Variants in LRP1B observed in about 807,000 individuals in gnomAD.
LRP1B encodes LDL receptor related protein 1B, also known as low-density lipoprotein receptor-related protein 1B.
Under a neutral mutation model 556.6 loss-of-function variants are expected in LRP1B, and 217 were observed. The observed-to-expected ratio is 0.39, with a 90% CI of 0.35 to 0.44. The LOEUF is 0.44. LRP1B is among the 20% of genes least tolerant of loss of function. The pLI is 1.00. For synonymous variants in LRP1B, 2,047 were observed against 1,865.8 expected, an observed-to-expected ratio of 1.10 and a Z score of -2.50; for missense variants, 5,053 against 5,620.8, an observed-to-expected ratio of 0.90 and a Z score of 3.23.
chr2:141,071,687 A>T (rs1430721933), intron 7 of LRP1B, among the ~76,000 whole-genome samples: 1 of 152,174 alleles, frequency 6.6e-6, no homozygotes, highest in Non-Finnish European at 1.5e-5. Flanking sequence ...TACAAAAAGC[A>T]CAAGCATTCT....
chr2:141,591,892 T>A (rs545866848), intron 2 of LRP1B, among the ~76,000 whole-genome samples: 3 of 152,270 alleles, frequency 2.0e-5, no homozygotes, highest in African/African-American at 7.2e-5. Context: ...GGAAAAAAGA[T>A]GTTTGAAAAT....
chr2:141,736,477 C>A (rs908767331), intron 2 of LRP1B, among the ~76,000 whole-genome samples: 12 of 152,066 alleles, frequency 7.9e-5, no homozygotes, highest in African/African-American at 2.9e-4. Flanking sequence ...ATGAGAACAT[C>A]ATGTGAAGAC....
At chr2:141,485,030 C>T (rs1683072114) in intron 2 of LRP1B, among the ~76,000 whole-genome samples, 1 of 152,012 alleles carries the variant, frequency 6.6e-6, no homozygotes, top group African/African-American at 2.4e-5. Flanking sequence ...AAGAGAGGCT[C>T]AGCTACTTAT....
At chr2:141,863,744 G>A (rs940060799) in intron 1 of LRP1B, among the ~76,000 whole-genome samples, 1 of 152,034 alleles carries the variant, frequency 6.6e-6, no homozygotes, top group Non-Finnish European at 1.5e-5. Flanking sequence ...TGAAGTAATT[G>A]CTACTTGTTG....
At chr2:141,776,239 T>C (rs923427372) in intron 2 of LRP1B, among the ~76,000 whole-genome samples, 13 of 151,282 alleles carry the variant, frequency 8.6e-5, no homozygotes, top group African/African-American at 2.9e-4. Context: ...GTTAATGTTA[T>C]ATGTCAGTGT....
At chr2:141,388,161 C>T (rs540864320) in intron 3 of LRP1B, among the ~76,000 whole-genome samples, 13 of 152,238 alleles carry the variant, frequency 8.5e-5, no homozygotes, top group East Asian at 3.9e-4. Flanking sequence ...AATGGCCGGG[C>T]GCAGTGGCTC....
intron 32 of LRP1B, among the ~76,000 whole-genome samples, chr2:140,807,349 A>G (rs1027915140): frequency 6.6e-6 from 1 of 151,786 alleles, no homozygotes; most frequent in Non-Finnish European, 1.5e-5. Context: ...TTATTTATTT[A>G]CTTTTTTTTT....
chr2:140,755,373 A>G (rs1273719472), intron 35 of LRP1B, among the ~76,000 whole-genome samples: 1 of 152,050 alleles, frequency 6.6e-6, no homozygotes, highest in East Asian at 1.9e-4. Flanking sequence ...AAAGAAAAAT[A>G]CTGACCAACA....
intron 85 of LRP1B, among the ~76,000 whole-genome samples, chr2:140,272,258 AACACACACACACACACAC>A (rs10654741): frequency 1.3e-5 from 2 of 149,320 alleles, no homozygotes; most frequent in African/African-American, 4.9e-5. Context: ...TGCACACACA[AACACACACACACACACAC>A]ACACACACAC....
At chr2:141,297,582 T>C (rs1163895689) in intron 3 of LRP1B, among the ~76,000 whole-genome samples, 1 of 152,220 alleles carries the variant, frequency 6.6e-6, no homozygotes, top group Non-Finnish European at 1.5e-5. Flanking sequence ...AGACACTAGT[T>C]CACATGTTTC....
intron 1 of LRP1B, among the ~76,000 whole-genome samples, chr2:141,880,629 G>A (rs1039519036): frequency 6.6e-6 from 1 of 151,844 alleles, no homozygotes; most frequent in Non-Finnish European, 1.5e-5. Flanking sequence ...GTCAATATTG[G>A]TGCTTTTAAA....
intron 2 of LRP1B, among the ~76,000 whole-genome samples, chr2:141,550,771 A>T (rs1574070978): frequency 6.6e-6 from 1 of 152,152 alleles, no homozygotes; most frequent in African/African-American, 2.4e-5. Flanking sequence ...ATAAGAATGT[A>T]CAATCTACCT....
At chr2:141,500,693 T>C (rs1203309095) in intron 2 of LRP1B, among the ~76,000 whole-genome samples, 1 of 152,166 alleles carries the variant, frequency 6.6e-6, no homozygotes, top group Non-Finnish European at 1.5e-5. Flanking sequence ...TGGTTCCTCT[T>C]GGATTTCAAA....
chr2:141,593,465 TCCC>T lies in LRP1B; in HGVS notation c.206-112935_206-112933del, dbSNP rs1461272824. On this transcript the variant is annotated intron_variant, in intron 2 of 90. Transcript: ENST00000389484. ...CGGGCGCGGTGGCTCACGCCTGTAA[TCCC>T]AGCACTTTGGGAGGCCGAGGCGGGT... Among the ~76,000 whole-genome samples, 34 of 1,396 alleles carry T rather than the reference TCCC, an allele frequency of 0.024. 17 individuals are homozygous for T. In the Non-Finnish European group the frequency reaches 1, roughly 41 times the overall value. 0.9% of individuals were successfully genotyped at this position (1,396 alleles called of 152,430 possible). A position where few individuals can be genotyped will look rare whatever the true frequency, so the allele number is the denominator to read the frequency against.
At chr2:141,667,685 A>C (rs1441467630) in intron 2 of LRP1B, among the ~76,000 whole-genome samples, 1 of 152,182 alleles carries the variant, frequency 6.6e-6, no homozygotes, top group Admixed American at 6.5e-5. Flanking sequence ...CTTTCTATGC[A>C]CAGAAAACTC....
chr2:141,001,771 T>C (rs1697432406), intron 15 of LRP1B, among the ~76,000 whole-genome samples: 1 of 152,180 alleles, frequency 6.6e-6, no homozygotes, highest in Non-Finnish European at 1.5e-5. Context: ...AAAGCTACTC[T>C]GTGTGTGCGT....
intron 7 of LRP1B, among the ~76,000 whole-genome samples, chr2:141,130,737 C>T (rs944346372): frequency 1.3e-5 from 2 of 152,032 alleles, no homozygotes; most frequent in Admixed American, 6.6e-5. Context: ...AATTTACACT[C>T]CCACCTTTTT....
intron 2 of LRP1B, among the ~76,000 whole-genome samples, chr2:141,763,788 A>G (rs568987636): frequency 2.6e-4 from 39 of 152,330 alleles, no homozygotes; most frequent in African/African-American, 9.4e-4. Context: ...GAAGTTTAAT[A>G]TTAAAGATAA....
intron 43 of LRP1B, among the ~76,000 whole-genome samples, chr2:140,566,902 G>A (rs539608668): frequency 1.1e-4 from 17 of 152,206 alleles, no homozygotes; most frequent in Non-Finnish European, 8.8e-5. Context: ...TAAGCTGAAG[G>A]GATGCACTAC....
Sources: allele counts gnomAD v4.1 joint callset (sites outside exome capture counted in the v4.1 genomes callset), GRCh38; gene constraint gnomAD v4.1.1; transcripts MANE v1.5; gene names NCBI Gene and HGNC (gene_info 2026-07-23, HGNC 2026-07-21).